Variants in ARHGAP5 observed in about 807,000 individuals in gnomAD.
ARHGAP5 encodes the protein rho GTPase-activating protein 5.
A neutral mutation model predicts 116.6 loss-of-function variants in ARHGAP5; 23 were observed. That is an observed-to-expected ratio of 0.20 (90% CI 0.14 to 0.28). ARHGAP5 has a LOEUF of 0.28. ARHGAP5 is among the 10% of genes least tolerant of loss of function. The pLI, the probability that ARHGAP5 is intolerant of heterozygous loss-of-function variation, is 1.00. For missense variants in ARHGAP5, 1,405 were observed against 1,774.8 expected (o/e 0.79, Z 3.74); for synonymous variants, 574 against 602.0 (o/e 0.95, Z 0.68).
At chr14:32,149,430 A>G (rs556428403) in intron 4 of ARHGAP5, among the ~76,000 whole-genome samples, 3 of 152,180 alleles carry the variant, frequency 2.0e-5, no homozygotes, top group Non-Finnish European at 4.4e-5. Context: ...GAAAAGGCTT[A>G]TTGCTTGGTT....
chr14:32,078,126 C>T (rs1188469829), intron 1 of ARHGAP5: 2 of 151,392 alleles, frequency 1.3e-5, no homozygotes, highest in Non-Finnish European at 2.9e-5. Flanking sequence ...CCAGATTCTT[C>T]CTCTCTTTCC....
At chr14:32,087,563 G>C (rs1263739376) in intron 1 of ARHGAP5, among the ~76,000 whole-genome samples, 1 of 138,260 alleles carries the variant, frequency 7.2e-6, no homozygotes, top group African/African-American at 2.7e-5. Context: ...CACTCCTCTG[G>C]TGAGAGTTGG....
intron 3 of ARHGAP5, among the ~76,000 whole-genome samples, chr14:32,118,127 C>T (rs1879699905): frequency 6.6e-6 from 1 of 152,140 alleles, no homozygotes; most frequent in African/African-American, 2.4e-5. Flanking sequence ...CACATGTACA[C>T]CTTGCCCTTC....
At position 32,094,324 on chromosome 14, in the gene ARHGAP5, G is replaced by T; in HGVS notation, c.3655G>T (p.Asp1219Tyr). The change falls in exon 2 of 7, where the codon GAC becomes TAC. Residue 1219 changes from aspartate (D) to tyrosine (Y), a missense_variant. Coordinates refer to ENST00000345122, the MANE Select transcript of ARHGAP5 (RefSeq NM_001030055.2). ...GGIDNPAITS[D>Y]QELDDKKMKK... ...TATTGATAATCCTGCAATCACTTCT[G>T]ACCAGGAGTTAGATGATAAGAAGAT... 1 of 1,603,962 alleles carries T rather than the reference G, an allele frequency of 6.2e-7. No individual in the cohort carries two copies. Among genetic ancestry groups the T allele is most frequent in the South Asian group, 1.1e-5 (1 of 88,200 alleles).
intron 3 of ARHGAP5, among the ~76,000 whole-genome samples, chr14:32,132,232 C>T (rs1201687649): frequency 6.6e-6 from 1 of 152,196 alleles, no homozygotes; most frequent in Non-Finnish European, 1.5e-5. Flanking sequence ...TTCTCCACAT[C>T]CTCTCCAGCA....
rs559958767 is a variant in ARHGAP5 at position 32,099,291 on chromosome 14, A to G, written c.3717+4905A>G. 5.9e-5 allele frequency among the ~76,000 whole-genome samples: 9 copies of G among 152,308 alleles called. No homozygotes were observed. The South Asian group carries it at 1.7e-3, about 28-fold the overall frequency. On this transcript the variant is annotated intron_variant, in intron 2 of 6. Coordinates refer to ENST00000345122, the MANE Select transcript of ARHGAP5 (RefSeq NM_001030055.2). ...TTTTATAGTTCAAGTGGAGATGTCAATCAGGTAGGAAGTTACGGGTCATCG... is the reference window on the plus strand; with the variant it reads ...TTTTATAGTTCAAGTGGAGATGTCAGTCAGGTAGGAAGTTACGGGTCATCG...
At chr14:32,116,442 A>T (rs1386625763) in intron 2 of ARHGAP5, among the ~76,000 whole-genome samples, 9 of 143,018 alleles carry the variant, frequency 6.3e-5, no homozygotes, top group Non-Finnish European at 1.4e-4. Context: ...ACAAAAAAAT[A>T]ATTAGCCGGG....
intron 2 of ARHGAP5, among the ~76,000 whole-genome samples, chr14:32,098,107 T>C (rs1343912848): frequency 6.6e-6 from 1 of 152,168 alleles, no homozygotes; most frequent in Non-Finnish European, 1.5e-5. Context: ...ACATGCTGAT[T>C]TGATAAATGG....
At chr14:32,090,152 C>T (rs116370397) in intron 1 of ARHGAP5, among the ~76,000 whole-genome samples, 2,751 of 151,998 alleles carry the variant, frequency 0.018, 81 homozygotes, top group African/African-American at 0.062. Flanking sequence ...TCACCAGCAT[C>T]GCCTCCAGTG....
At chr14:32,080,706 TAGA>T (rs1294140586) in intron 1 of ARHGAP5, among the ~76,000 whole-genome samples, 1 of 152,126 alleles carries the variant, frequency 6.6e-6, no homozygotes, top group Admixed American at 6.5e-5. Context: ...GAATCATTCA[TAGA>T]AGAAGAAACA....
chr14:32,087,679 CA>C (rs1216222608), intron 1 of ARHGAP5, among the ~76,000 whole-genome samples: 1 of 151,900 alleles, frequency 6.6e-6, no homozygotes, highest in Non-Finnish European at 1.5e-5. Context: ...GAGTTGATTT[CA>C]AAATACCAGC....
In ARHGAP5 at chr14:32,104,461, A is replaced by G. The variant is rs145731845; in HGVS notation, c.3717+10075A>G. Among the ~76,000 whole-genome samples, 53 of 152,282 alleles carry G rather than the reference A, an allele frequency of 3.5e-4. No individual in the cohort carries two copies. In the East Asian group the frequency reaches 9.1e-3, roughly 26 times the overall value. ...TTTCCTCTTTTCACCTAGTGTTAGC[A>G]TAAAGGGTGTGAGAGAGTCTTCACA... On this transcript the variant is annotated intron_variant, in intron 2 of 6. Coordinates refer to ENST00000345122, the MANE Select transcript of ARHGAP5 (RefSeq NM_001030055.2).
chr14:32,148,163 AATCTATCT>A (rs71441707), intron 4 of ARHGAP5, among the ~76,000 whole-genome samples: 5,276 of 147,524 alleles, frequency 0.036, 101 homozygotes, highest in Non-Finnish European at 0.051. Context: ...AAAAAAAAGA[AATCTATCT>A]ATCTATCTAT....
intron 3 of ARHGAP5, among the ~76,000 whole-genome samples, chr14:32,141,820 T>TAA (rs1006844514): frequency 5.9e-5 from 9 of 152,186 alleles, no homozygotes; most frequent in African/African-American, 2.2e-4. Flanking sequence ...TTAAACACTT[T>TAA]AAATATATCA....
chr14:32,092,145 A>G lies in ARHGAP5; in HGVS notation c.1476A>G (p.Glu492=). The G allele has an allele frequency of 1.2e-6, 2 of 1,613,834 alleles. No homozygotes were observed. Among genetic ancestry groups the G allele is most frequent in the Non-Finnish European group, 1.7e-6 (2 of 1,179,796 alleles). ...IVEKAKEEFQ[E]MLFEHSELFY... ...AAAAAGCCAAAGAAGAGTTTCAAGA[A>G]ATGCTTTTTGAGCATTCTGAACTTT... The change falls in exon 2 of 7, where the codon GAA becomes GAG. Residue 492 remains glutamate, a synonymous_variant. Transcript: ENST00000345122. This position sits in a 1 kb window ranked among gnomAD's most constrained non-coding sequence, Gnocchi z 4.1.
intron 3 of ARHGAP5, among the ~76,000 whole-genome samples, chr14:32,124,242 T>G (rs1231664186): frequency 6.6e-6 from 1 of 152,202 alleles, no homozygotes; most frequent in Non-Finnish European, 1.5e-5. Context: ...GGTTTTGAAC[T>G]GTGATTAATG....
Position 32,154,761 on chromosome 14 carries a change from T to G in ARHGAP5, c.4322T>G (p.Phe1441Cys). 1 of 1,614,212 alleles carries G rather than the reference T, an allele frequency of 6.2e-7. No homozygotes were observed. Among genetic ancestry groups the G allele is most frequent in the East Asian group, 2.2e-5 (1 of 44,880 alleles). Residue 1441 changes from phenylalanine (F) to cysteine (C), a missense_variant, in exon 7 of 7, where the codon TTC becomes TGC. This residue lies in a region of ARHGAP5 where 85 missense variants were observed against 96.6 expected (regional missense o/e 0.88). Coordinates refer to ENST00000345122, the MANE Select transcript of ARHGAP5 (RefSeq NM_001030055.2). ...ATTCATCAATCTGTTGTTGAAACAT[T>G]CATTCAGCAGTGTCAGTTTTTCTTT... ...TKIHQSVVET[F>C]IQQCQFFFYN...
chr14:32,099,447 A>G (rs530519089), intron 2 of ARHGAP5, among the ~76,000 whole-genome samples: 3 of 152,330 alleles, frequency 2.0e-5, no homozygotes, highest in East Asian at 1.9e-4. Context: ...GGAATGGCCA[A>G]CTATCAGAGA....
intron 3 of ARHGAP5, among the ~76,000 whole-genome samples, chr14:32,134,564 AC>A (rs1308217061): frequency 1.3e-5 from 2 of 152,134 alleles, no homozygotes; most frequent in Non-Finnish European, 2.9e-5. Context: ...CAGCATGAAC[AC>A]ATTTACTTCA....
Sources: gnomAD v4.1 joint callset for allele counts (sites outside exome capture counted in the v4.1 genomes callset) on GRCh38, gnomAD v4.1.1 for gene constraint, gnomAD v4.1.1 regional missense constraint, Gnocchi (gnomAD v3.1) non-coding constraint, MANE v1.5 for transcripts, NCBI Gene and HGNC (gene_info 2026-07-23, HGNC 2026-07-21) for gene names.